The following RALYL variants were observed in gnomAD, a reference collection of about 807,000 sequenced individuals.
RALYL encodes RNA-binding Raly-like protein.
Under a neutral mutation model 35.1 loss-of-function variants are expected in RALYL, and 29 were observed. That is an observed-to-expected ratio of 0.83 (90% CI 0.61 to 1.13). The LOEUF is 1.13. RALYL is among the 50% of genes most tolerant of loss of function. RALYL has a pLI of 0.00. For synonymous variants in RALYL, 120 were observed against 127.6 expected, an observed-to-expected ratio of 0.94 and a Z score of 0.40; for missense variants, 359 against 360.4, an observed-to-expected ratio of 1.00 and a Z score of 0.03.
intron 1 of RALYL, among the ~76,000 whole-genome samples, chr8:84,266,825 T>C (rs1253788074): frequency 6.6e-6 from 1 of 151,604 alleles, no homozygotes; most frequent in African/African-American, 2.4e-5. Context: ...CCGGGCGTGG[T>C]AGCGGGCGCC....
intron 2 of RALYL, among the ~76,000 whole-genome samples, chr8:84,725,163 G>A (rs956510107): frequency 6.6e-6 from 1 of 151,540 alleles, no homozygotes; most frequent in Admixed American, 6.6e-5. Context: ...TGCTATTCAA[G>A]TGTTTTATGT....
intron 2 of RALYL, among the ~76,000 whole-genome samples, chr8:84,636,254 C>G (rs924783853): frequency 4.6e-5 from 7 of 151,712 alleles, no homozygotes; most frequent in Non-Finnish European, 1.5e-5. Context: ...TGTCTTATAT[C>G]TACTCTCCTA....
intron 1 of RALYL, among the ~76,000 whole-genome samples, chr8:84,221,352 C>A (rs141416859): frequency 2.0e-5 from 3 of 151,884 alleles, no homozygotes; most frequent in African/African-American, 4.8e-5. Context: ...TTTTCACATT[C>A]ATGGAAGAGA....
intron 8 of RALYL, among the ~76,000 whole-genome samples, chr8:84,917,612 CCTGTGTTTTCTGATTCA>C (rs1343407562): frequency 6.6e-6 from 1 of 150,572 alleles, no homozygotes; most frequent in Non-Finnish European, 1.5e-5. Context: ...ATGATTCTCC[CCTGTGTTTTCTGATTCA>C]CTGTCCTATA....
intron 2 of RALYL, among the ~76,000 whole-genome samples, chr8:84,690,675 T>A (rs1454812841): frequency 2.0e-5 from 3 of 152,098 alleles, no homozygotes; most frequent in Non-Finnish European, 4.4e-5. Context: ...CAAAAAAATT[T>A]AAAAATAAAT....
chr8:84,474,202 AGT>A (rs1352177575), intron 1 of RALYL, among the ~76,000 whole-genome samples: 2 of 152,140 alleles, frequency 1.3e-5, no homozygotes, highest in Non-Finnish European at 2.9e-5. Flanking sequence ...AATGAAATAA[AGT>A]GTTGACTAAT....
intron 1 of RALYL, among the ~76,000 whole-genome samples, chr8:84,362,348 G>GT (rs1853221937): frequency 1.3e-5 from 2 of 152,144 alleles, no homozygotes; most frequent in African/African-American, 4.8e-5. Context: ...TTGCATCTGA[G>GT]TTGGGCAATT....
At chr8:84,835,801 A>G (rs1831901727) in intron 4 of RALYL, among the ~76,000 whole-genome samples, 1 of 152,170 alleles carries the variant, frequency 6.6e-6, no homozygotes. Context: ...GAGCTAATGC[A>G]AAAGATTGTG....
chr8:84,845,934 G>A (rs1446723675), intron 4 of RALYL, among the ~76,000 whole-genome samples: 2 of 152,116 alleles, frequency 1.3e-5, no homozygotes, highest in African/African-American at 4.8e-5. Context: ...ATTTTTCAGA[G>A]ATTAGATGGC....
intron 1 of RALYL, among the ~76,000 whole-genome samples, chr8:84,462,942 A>G (rs1478161833): frequency 1.3e-5 from 2 of 151,924 alleles, no homozygotes; most frequent in Non-Finnish European, 2.9e-5. Context: ...TCATTCATTC[A>G]TTCATTCAAC....
chr8:84,807,026 T>C lies in RALYL; in HGVS notation c.365+2224T>C, dbSNP rs186929053. 2.0e-4 allele frequency among the ~76,000 whole-genome samples: 31 copies of C among 152,086 alleles called. 1 individual carries two copies. The South Asian group carries it at 5.0e-3, about 25-fold the overall frequency. ...ACCCTGTCTCAAAAAAATAAAAGCATGTATGTAGCTCTCTGCTGCCTTTTT... is the reference window on the plus strand; with the variant it reads ...ACCCTGTCTCAAAAAAATAAAAGCACGTATGTAGCTCTCTGCTGCCTTTTT... On this transcript the variant is annotated intron_variant, in intron 4 of 8. Transcript: ENST00000521268.
At chr8:84,350,204 G>A (rs1850635533) in intron 1 of RALYL, among the ~76,000 whole-genome samples, 1 of 150,254 alleles carries the variant, frequency 6.7e-6, no homozygotes, top group Non-Finnish European at 1.5e-5. Context: ...ACCACAGTTG[G>A]CTAGGCCTAT....
chr8:84,844,782 T>C (rs1220957934), intron 4 of RALYL, among the ~76,000 whole-genome samples: 1 of 152,180 alleles, frequency 6.6e-6, no homozygotes, highest in Non-Finnish European at 1.5e-5. Flanking sequence ...TGGAATACTA[T>C]GCAGCCATAA....
At chr8:84,273,640 A>C (rs904242656) in intron 1 of RALYL, among the ~76,000 whole-genome samples, 1 of 152,238 alleles carries the variant, frequency 6.6e-6, no homozygotes, top group Non-Finnish European at 1.5e-5. Flanking sequence ...GAGAGGCTTC[A>C]TTTTAGCTCT....
intron 2 of RALYL, among the ~76,000 whole-genome samples, chr8:84,581,728 A>T (rs935878937): frequency 6.6e-6 from 1 of 152,154 alleles, no homozygotes; most frequent in African/African-American, 2.4e-5. Context: ...GGATATTAAT[A>T]GTATATCCTA....
Position 84,185,110 on chromosome 8 carries a change from G to C in RALYL, c.-24+686G>C. 6 of 1,282,280 alleles carry C rather than the reference G, an allele frequency of 4.7e-6. 1 individual carries two copies. The highest frequency in any genetic ancestry group is 6.8e-6 in the Non-Finnish European group (6 of 878,212). The allele number at this position is 1,282,280 out of a possible 1,614,324, so 79.4% of individuals were successfully genotyped here. On this transcript the variant is annotated intron_variant, in intron 1 of 8. Coordinates refer to ENST00000521268, the MANE Select transcript of RALYL (RefSeq NM_173848.7). ...TTTTTTTCCCTGTTGTGTTGCGTTG[G>C]TTTTAAGTGCCTGCTGGTGTCGTCT...
chr8:84,574,569 C>CT (rs1490156591), intron 2 of RALYL, among the ~76,000 whole-genome samples: 3 of 152,004 alleles, frequency 2.0e-5, no homozygotes, highest in African/African-American at 7.2e-5. Context: ...CCTTTCACAC[C>CT]TTTTTTTCAC....
intron 1 of RALYL, among the ~76,000 whole-genome samples, chr8:84,284,437 CA>C (rs1837219333): frequency 6.6e-6 from 1 of 152,146 alleles, no homozygotes; most frequent in Non-Finnish European, 1.5e-5. Context: ...ATAATAGTGA[CA>C]TTGGTGTTTT....
intron 1 of RALYL, among the ~76,000 whole-genome samples, chr8:84,278,492 T>C (rs1228429460): frequency 6.6e-6 from 1 of 152,246 alleles, no homozygotes. Flanking sequence ...TTTCTGCAGC[T>C]GGCTTGAATT....
Sources: allele counts gnomAD v4.1 joint callset (sites outside exome capture counted in the v4.1 genomes callset), GRCh38; gene constraint gnomAD v4.1.1; transcripts MANE v1.5; gene names NCBI Gene and HGNC (gene_info 2026-07-23, HGNC 2026-07-21).